WWOX: variants seen among roughly 807,000 people sequenced by gnomAD.
The protein encoded by WWOX is WW domain containing oxidoreductase.
A neutral mutation model predicts 46.2 loss-of-function variants in WWOX; 69 were observed. The observed-to-expected ratio is 1.49, with a 90% CI of 1.23 to 1.82. WWOX has a LOEUF of 1.82. WWOX is among the 40% of genes most tolerant of loss of function. The probability of loss-of-function intolerance (pLI) is 0.00; values close to 1 mark genes in which losing one functional copy is unlikely to be tolerated. For synonymous variants in WWOX, 359 were observed against 202.6 expected (o/e 1.77, Z -6.56); for missense variants, 919 against 542.6 (o/e 1.69, Z -6.89).
chr16:79,065,672 C>T (rs944541049), intron 8 of WWOX, among the ~76,000 whole-genome samples: 3 of 152,216 alleles, frequency 2.0e-5, no homozygotes, highest in African/African-American at 7.2e-5. Context: ...CTCTCCTAAT[C>T]CTAACCTTGT....
At chr16:79,059,954 A>G (rs2048329931) in intron 8 of WWOX, among the ~76,000 whole-genome samples, 1 of 152,174 alleles carries the variant, frequency 6.6e-6, no homozygotes, top group Admixed American at 6.5e-5. Flanking sequence ...CTGAGAGGTC[A>G]TTCATTTAAA....
At chr16:78,835,767 A>T (rs1211461316) in intron 8 of WWOX, among the ~76,000 whole-genome samples, 2 of 152,226 alleles carry the variant, frequency 1.3e-5, no homozygotes, top group African/African-American at 2.4e-5. Flanking sequence ...ACAACAAAAA[A>T]TGTATTGCCA....
At chr16:78,528,578 A>G (rs888552114) in intron 8 of WWOX, among the ~76,000 whole-genome samples, 2 of 152,182 alleles carry the variant, frequency 1.3e-5, no homozygotes, top group Non-Finnish European at 2.9e-5. Context: ...GCTTTGGGGT[A>G]CTAAGTCATC....
At chr16:78,806,775 G>C (rs1290008641) in intron 8 of WWOX, among the ~76,000 whole-genome samples, 1 of 152,190 alleles carries the variant, frequency 6.6e-6, no homozygotes. Flanking sequence ...TTTGCAGTGA[G>C]AGGAAATAGA....
At chr16:78,946,661 C>A (rs1232194722) in intron 8 of WWOX, among the ~76,000 whole-genome samples, 1 of 152,128 alleles carries the variant, frequency 6.6e-6, no homozygotes, top group African/African-American at 2.4e-5. Context: ...TGGCATGTCT[C>A]CACTCTGCAG....
intron 8 of WWOX, among the ~76,000 whole-genome samples, chr16:78,829,661 G>A (rs1235867979): frequency 6.6e-6 from 1 of 152,068 alleles, no homozygotes; most frequent in East Asian, 1.9e-4. Context: ...TCTGTGCCAA[G>A]GATTTTAGAA....
intron 8 of WWOX, among the ~76,000 whole-genome samples, chr16:79,049,498 G>C (rs1465909347): frequency 2.0e-5 from 3 of 152,134 alleles, no homozygotes; most frequent in Non-Finnish European, 1.5e-5. Flanking sequence ...AGAATGATCA[G>C]GAAGGCCAAG....
intron 8 of WWOX, among the ~76,000 whole-genome samples, chr16:78,605,942 T>G (rs955823753): frequency 6.6e-6 from 1 of 152,228 alleles, no homozygotes; most frequent in African/African-American, 2.4e-5. Context: ...TGCGCATTTG[T>G]AATAGACTCA....
chr16:78,426,825 G>C (rs938222767), intron 7 of WWOX, among the ~76,000 whole-genome samples: 1 of 152,064 alleles, frequency 6.6e-6, no homozygotes, highest in African/African-American at 2.4e-5. Flanking sequence ...CACCACACCT[G>C]GCTAATTTTT....
In WWOX at chr16:78,972,351, T is replaced by G. The variant is rs1020538684; in HGVS notation, c.1057-239257T>G. Among the ~76,000 whole-genome samples the G allele has an allele frequency of 2.1e-4, 32 of 152,048 alleles. No individual in the cohort carries two copies. In the East Asian group the frequency reaches 4.8e-3, roughly 23 times the overall value. Reference sequence around the variant, plus strand: ...GGAGGGCTTTATTGGATGGGAGCCGTGAAGTGAGCGCCGTGTATTTCAAAG... The same window carrying G: ...GGAGGGCTTTATTGGATGGGAGCCGGGAAGTGAGCGCCGTGTATTTCAAAG... On this transcript the variant is annotated intron_variant, in intron 8 of 8. Transcript: ENST00000566780.
chr16:79,088,564 C>T (rs564178677), intron 8 of WWOX, among the ~76,000 whole-genome samples: 152 of 152,252 alleles, frequency 1.0e-3, no homozygotes, highest in African/African-American at 3.6e-3. Flanking sequence ...GCGATGTTTT[C>T]TATGGGGGTT....
At chr16:79,200,575 A>G (rs2051327381) in intron 8 of WWOX, among the ~76,000 whole-genome samples, 1 of 152,150 alleles carries the variant, frequency 6.6e-6, no homozygotes, top group African/African-American at 2.4e-5. Flanking sequence ...CAGAAGTAAT[A>G]ACAGGTCGTT....
intron 8 of WWOX, among the ~76,000 whole-genome samples, chr16:79,087,862 G>A (rs948172286): frequency 2.0e-5 from 3 of 152,148 alleles, no homozygotes; most frequent in Non-Finnish European, 4.4e-5. Flanking sequence ...AATGCTGAAA[G>A]TTCAGGCCTC....
intron 8 of WWOX, among the ~76,000 whole-genome samples, chr16:78,585,872 C>A (rs1174966316): frequency 6.6e-6 from 1 of 151,888 alleles, no homozygotes; most frequent in Non-Finnish European, 1.5e-5. Flanking sequence ...TTGTCTTGTT[C>A]TCTCTTCCAA....
At chr16:78,418,369 G>GAA (rs60427100) in intron 6 of WWOX, among the ~76,000 whole-genome samples, 1 of 127,628 alleles carries the variant, frequency 7.8e-6, no homozygotes, top group African/African-American at 2.8e-5. Context: ...CTCCATCTCA[G>GAA]AAAAAAAAAA....
chr16:78,771,711 G>A (rs1246051697), intron 8 of WWOX, among the ~76,000 whole-genome samples: 1 of 152,056 alleles, frequency 6.6e-6, no homozygotes, highest in Non-Finnish European at 1.5e-5. Context: ...GGTGGAGGTT[G>A]CAGTGAGCCA....
At chr16:78,431,691 C>CTTTT (rs200599534) in intron 7 of WWOX, among the ~76,000 whole-genome samples, 256 of 143,610 alleles carry the variant, frequency 1.8e-3, no homozygotes, top group Non-Finnish European at 2.3e-3. Flanking sequence ...GTAGCCAATC[C>CTTTT]TTTTTTTTTT....
intron 8 of WWOX, among the ~76,000 whole-genome samples, chr16:79,031,002 G>A (rs1481534462): frequency 1.3e-5 from 2 of 150,338 alleles, no homozygotes; most frequent in Non-Finnish European, 2.9e-5. Flanking sequence ...TGTGATGGGA[G>A]AATCACCCGA....
chr16:78,432,479 A>C lies in WWOX; in HGVS notation c.792-9A>C, dbSNP rs376320385. On this transcript the variant is annotated splice_polypyrimidine_tract_variant and intron_variant, in intron 7 of 8. Coordinates refer to ENST00000566780, the MANE Select transcript of WWOX (RefSeq NM_016373.4). ...TTGGTTGCTTCATGTCATATTTCCTATTTTTAAGATTTACAGATATTAACG... is the reference window on the plus strand; with the variant it reads ...TTGGTTGCTTCATGTCATATTTCCTCTTTTTAAGATTTACAGATATTAACG... The C allele has an allele frequency of 6.2e-7, 1 of 1,608,792 alleles. No individual in the cohort carries two copies. The highest frequency in any genetic ancestry group is 1.1e-5 in the South Asian group (1 of 90,918).
Sources: allele counts gnomAD v4.1 joint callset (sites outside exome capture counted in the v4.1 genomes callset), GRCh38; gene constraint gnomAD v4.1.1; transcripts MANE v1.5; gene names NCBI Gene and HGNC (gene_info 2026-07-23, HGNC 2026-07-21).